DOCK7: variants seen among roughly 807,000 people sequenced by gnomAD.
DOCK7 encodes the protein dedicator of cytokinesis 7.
A neutral mutation model predicts 271.0 loss-of-function variants in DOCK7; 138 were observed. The ratio of observed to expected loss-of-function variants is 0.51; its 90% CI spans 0.44 to 0.59. The LOEUF (loss-of-function observed/expected upper bound fraction) is 0.59, where lower values mean the gene tolerates loss of function less well. DOCK7 is among the 20% of genes least tolerant of loss of function. The pLI is 0.00. For missense variants in DOCK7, 2,066 were observed against 2,592.4 expected (o/e 0.80, Z 4.41); for synonymous variants, 823 against 876.1 (o/e 0.94, Z 1.07).
At chr1:62,552,408 A>G (rs114537713) in intron 22 of DOCK7, among the ~76,000 whole-genome samples, 3 of 152,208 alleles carry the variant, frequency 2.0e-5, no homozygotes, top group Admixed American at 2.0e-4. Flanking sequence ...TCTCTTCTAC[A>G]TATCAGTCAC....
Position 62,604,393 on chromosome 1 carries a change from T to G in DOCK7, c.1682+14313A>C, listed in dbSNP as rs543511072. On this transcript the variant is annotated intron_variant, in intron 14 of 49. Transcript: ENST00000635253. Reference sequence around the variant, plus strand: ...TCTTAACTATAATGAAAGTGTTCATTCTAGTTCAATCAGGTATTTTACCTC... The same window carrying G: ...TCTTAACTATAATGAAAGTGTTCATGCTAGTTCAATCAGGTATTTTACCTC... 3 of 972,126 alleles carry G rather than the reference T, an allele frequency of 3.1e-6. 1 individual carries two copies. Among genetic ancestry groups the G allele is most frequent in the Non-Finnish European group, 4.5e-6 (3 of 663,474 alleles). 60.2% of individuals were successfully genotyped at this position (972,126 alleles called of 1,614,324 possible). A position where few individuals can be genotyped will look rare whatever the true frequency, so the allele number is the denominator to read the frequency against.
chr1:62,531,418 G>C (rs1645171096), intron 29 of DOCK7, among the ~76,000 whole-genome samples: 1 of 152,086 alleles, frequency 6.6e-6, no homozygotes, highest in Admixed American at 6.5e-5. Context: ...TTTTTAAGTG[G>C]CTCACTTTAG....
At chr1:62,614,936 TG>T (rs1246076699) in intron 14 of DOCK7, among the ~76,000 whole-genome samples, 1 of 151,864 alleles carries the variant, frequency 6.6e-6, no homozygotes, top group Non-Finnish European at 1.5e-5. Flanking sequence ...GGAAAAAAAA[TG>T]GTTTCGTCAC....
chr1:62,679,901 T>C (rs989607735), intron 1 of DOCK7, among the ~76,000 whole-genome samples: 1 of 152,188 alleles, frequency 6.6e-6, no homozygotes, highest in East Asian at 1.9e-4. Context: ...CACAAACAAA[T>C]GGAAGAATAT....
chr1:62,636,651 C>T (rs750623380), intron 7 of DOCK7, 48 bp from the exon 8 acceptor site: 3 of 1,448,530 alleles, frequency 2.1e-6, no homozygotes, highest in Non-Finnish European at 1.9e-6. Context: ...ACATGAAATA[C>T]ACAGTTGGAG....
At chr1:62,495,206 G>A (rs1364242901) in intron 39 of DOCK7, 1 of 154,264 alleles carries the variant, frequency 6.5e-6, no homozygotes, top group East Asian at 1.9e-4. Context: ...TAATCAATAA[G>A]TACATTTGCA....
chr1:62,599,508 A>G (rs894898957), intron 14 of DOCK7, among the ~76,000 whole-genome samples: 3 of 151,686 alleles, frequency 2.0e-5, no homozygotes, highest in Non-Finnish European at 4.4e-5. Context: ...TCTCCTGCAC[A>G]CTCACCTTTA....
At chr1:62,531,330 T>A (rs764080466) in intron 29 of DOCK7, among the ~76,000 whole-genome samples, 12 of 152,180 alleles carry the variant, frequency 7.9e-5, no homozygotes, top group Admixed American at 1.3e-4. Context: ...CATTGCTCAA[T>A]CCCATTGTTA....
intron 31 of DOCK7, among the ~76,000 whole-genome samples, chr1:62,518,447 G>T (rs890483820): frequency 1.3e-5 from 2 of 152,016 alleles, no homozygotes; most frequent in African/African-American, 4.8e-5. Flanking sequence ...GGTGGCGGGC[G>T]CCTGTAGTCC....
intron 31 of DOCK7, among the ~76,000 whole-genome samples, chr1:62,525,991 C>T (rs958795352): frequency 6.6e-6 from 1 of 152,128 alleles, no homozygotes; most frequent in African/African-American, 2.4e-5. Flanking sequence ...GGCTGGAGTG[C>T]AATGGCACAA....
chr1:62,496,562 T>G (rs1646628289), intron 37 of DOCK7, 65 bp from the exon 38 acceptor site: 1 of 1,461,352 alleles, frequency 6.8e-7, no homozygotes, highest in Non-Finnish European at 9.2e-7. Flanking sequence ...CTGCTATTTT[T>G]CCTTGCTAAA....
chr1:62,493,802 G>T (rs772538172), intron 40 of DOCK7, among the ~76,000 whole-genome samples: 1 of 152,174 alleles, frequency 6.6e-6, no homozygotes, highest in Non-Finnish European at 1.5e-5. Context: ...GGTAAGCAGA[G>T]AATTCAACTA....
chr1:62,647,742 A>G lies in DOCK7; in HGVS notation c.767T>C (p.Ile256Thr), dbSNP rs1387467473. ...EPIERLSVPDIPKEHFGQRLL... is the reference protein window; with the variant it reads ...EPIERLSVPDTPKEHFGQRLL... ...TCTTTGACCAAAATGTTCTTTGGGT[A>G]TATCAGGAACACTAAGCCGTTCTAT... The change falls in exon 7 of 50, where the codon ATA becomes ACA. Residue 256 changes from isoleucine to threonine, a missense_variant. Physicochemically the swap from Ile to Thr is moderately conservative, Grantham distance 89. Coordinates refer to ENST00000635253, the MANE Select transcript of DOCK7 (RefSeq NM_001367561.1). 5.6e-6 allele frequency: 9 copies of G among 1,610,774 alleles called. No individual in the cohort carries two copies. Among genetic ancestry groups the G allele is most frequent in the South Asian group, 1.1e-5 (1 of 90,218 alleles).
At chr1:62,495,853 G>T in intron 38 of DOCK7, 172 bp from the exon 39 acceptor site, 1 of 498,908 alleles carries the variant, frequency 2.0e-6, no homozygotes, top group Non-Finnish European at 3.4e-6. Flanking sequence ...GTGAAGGGTA[G>T]TAAACTTTAT....
intron 31 of DOCK7, among the ~76,000 whole-genome samples, chr1:62,519,980 C>G (rs1644797464): frequency 6.6e-6 from 1 of 152,092 alleles, no homozygotes; most frequent in Non-Finnish European, 1.5e-5. Context: ...TTTGACAAAC[C>G]TGACAAAAAC....
intron 1 of DOCK7, among the ~76,000 whole-genome samples, chr1:62,665,163 A>AT (rs1249385093): frequency 2.0e-5 from 3 of 151,840 alleles, no homozygotes; most frequent in Non-Finnish European, 2.9e-5. Context: ...ATTTTTTTGT[A>AT]TTTTTAGTAG....
intron 2 of DOCK7, among the ~76,000 whole-genome samples, chr1:62,655,499 A>G (rs910445324): frequency 6.8e-6 from 1 of 147,662 alleles, no homozygotes; most frequent in Non-Finnish European, 1.5e-5. Flanking sequence ...ATTTCAGCTC[A>G]CTGCAACCTT....
chr1:62,487,912 T>C (rs1646344378), intron 42 of DOCK7: 2 of 152,450 alleles, frequency 1.3e-5, no homozygotes, highest in South Asian at 4.1e-4. Context: ...TTAAAAGACC[T>C]ACCTGTCATG....
At chr1:62,489,580 T>C (rs965570420) in intron 41 of DOCK7, among the ~76,000 whole-genome samples, 1 of 152,196 alleles carries the variant, frequency 6.6e-6, no homozygotes, top group African/African-American at 2.4e-5. Context: ...TCTGGATAAA[T>C]GGGTATGTAT....
Sources: allele counts gnomAD v4.1 joint callset (sites outside exome capture counted in the v4.1 genomes callset), GRCh38; gene constraint gnomAD v4.1.1; transcripts MANE v1.5; gene names NCBI Gene and HGNC (gene_info 2026-07-23, HGNC 2026-07-21).